Variants in HOOK3 observed in about 807,000 individuals in gnomAD.
HOOK3 encodes hook microtubule tethering protein 3.
A neutral mutation model predicts 116.3 loss-of-function variants in HOOK3; 24 were observed. The observed-to-expected ratio is 0.21, with a 90% CI of 0.15 to 0.29. The LOEUF (loss-of-function observed/expected upper bound fraction) is 0.29, where lower values mean the gene tolerates loss of function less well. HOOK3 is among the 10% of genes least tolerant of loss of function. The pLI is 1.00. For synonymous variants in HOOK3, 275 were observed against 283.0 expected (o/e 0.97, Z 0.28); for missense variants, 632 against 830.2 (o/e 0.76, Z 2.93).
chr8:42,988,788 A>T (rs1348866631), intron 15 of HOOK3, among the ~76,000 whole-genome samples: 2 of 151,900 alleles, frequency 1.3e-5, no homozygotes, highest in Non-Finnish European at 2.9e-5. Flanking sequence ...CCTAGTCCAT[A>T]CCCTCTTTCT....
chr8:42,946,098 C>T (rs1414479890), intron 5 of HOOK3, among the ~76,000 whole-genome samples: 2 of 152,076 alleles, frequency 1.3e-5, no homozygotes, highest in Non-Finnish European at 2.9e-5. Flanking sequence ...CTTCTATATT[C>T]AATTTATTTC....
Position 43,029,541 on chromosome 8 carries a change from T to G in HOOK3, c.*11043T>G, listed in dbSNP as rs1809994699. ...TGAACTTTGCTGTTTACAGGTTCTG[T>G]GTAATTCAGAATGCTTTGTACTTAG... On this transcript the variant is annotated 3_prime_UTR_variant, in exon 22 of 22. Coordinates refer to ENST00000307602, the MANE Select transcript of HOOK3 (RefSeq NM_032410.4). The G allele has an allele frequency of 5.3e-6, 1 of 187,166 alleles. No individual in the cohort carries two copies. Among genetic ancestry groups the G allele is most frequent in the African/African-American group, 2.3e-5 (1 of 42,754 alleles). 11.6% of individuals were successfully genotyped at this position (187,166 alleles called of 1,614,324 possible).
chr8:42,909,481 C>T (rs188807822), intron 2 of HOOK3, among the ~76,000 whole-genome samples: 5 of 152,264 alleles, frequency 3.3e-5, no homozygotes, highest in Middle Eastern at 3.4e-3. Context: ...ATTGATTGAT[C>T]GAGACAGGGT....
chr8:43,011,842 G>A (rs770766944), intron 19 of HOOK3, among the ~76,000 whole-genome samples: 11 of 152,148 alleles, frequency 7.2e-5, no homozygotes, highest in African/African-American at 1.9e-4. Context: ...TCACATCACC[G>A]CACTCCAGCC....
At position 42,968,050 on chromosome 8, in the gene HOOK3, G is replaced by A. The variant is rs748630939; in HGVS notation, c.958G>A (p.Val320Ile). Residue 320 changes from valine to isoleucine, a missense_variant, in exon 11 of 22, where the codon GTA becomes ATA. Val to Ile is a conservative substitution (Grantham distance 29, BLOSUM62 3). Around this residue, in one of 3 missense-constraint regions of HOOK3, gnomAD observed 483 missense variants for 648.1 expected, o/e 0.75. Coordinates refer to ENST00000307602, the MANE Select transcript of HOOK3 (RefSeq NM_032410.4). ...SDKVSKLEGQ[V>I]ESYKKKLEDL... is the part of the protein sequence containing the mutation. Reference sequence around the variant, plus strand: ...TAAAGTATCTAAACTAGAAGGTCAAGTAGAATCTTATAAAAAGAAGCTAGA... The same window carrying A: ...TAAAGTATCTAAACTAGAAGGTCAAATAGAATCTTATAAAAAGAAGCTAGA... The A allele has an allele frequency of 6.2e-7, 1 of 1,604,410 alleles. No homozygotes were observed. The highest frequency in any genetic ancestry group is 1.1e-5 in the South Asian group (1 of 90,834).
chr8:42,919,103 C>T (rs1166455199), intron 2 of HOOK3, among the ~76,000 whole-genome samples: 1 of 151,668 alleles, frequency 6.6e-6, no homozygotes, highest in African/African-American at 2.4e-5. Context: ...CCCCATCACC[C>T]AGACAGGGCG....
chr8:42,913,321 C>T (rs937656097), intron 2 of HOOK3, among the ~76,000 whole-genome samples: 1 of 152,162 alleles, frequency 6.6e-6, no homozygotes, highest in African/African-American at 2.4e-5. Context: ...GCAAACACTG[C>T]TCTGCTTTCT....
At chr8:42,897,554 G>C (rs534241285) in intron 1 of HOOK3, among the ~76,000 whole-genome samples, 2 of 152,364 alleles carry the variant, frequency 1.3e-5, no homozygotes, top group East Asian at 3.9e-4. Context: ...GACGGGCCCG[G>C]CTCCGGCCCG....
In HOOK3 at chr8:42,906,153, C is replaced by T. The variant is rs200253742; in HGVS notation, c.58-20C>T. On this transcript the variant is annotated intron_variant, in intron 1 of 21. Coordinates refer to ENST00000307602, the MANE Select transcript of HOOK3 (RefSeq NM_032410.4). The stretch of plus-strand genomic sequence containing the variant: ...GGTAACCACAGAATCTCTCCCCCCC[C>T]CCTCTTTTTTTCCCTTCAGATCCAG... The T allele has an allele frequency of 1.5e-4, 166 of 1,112,702 alleles. 3 individuals carry two copies. In the African/African-American group the frequency reaches 1.7e-3, roughly 11 times the overall value. 68.9% of individuals were successfully genotyped at this position (1,112,702 alleles called of 1,614,324 possible). A position where few individuals can be genotyped will look rare whatever the true frequency, so the allele number is the denominator to read the frequency against.
chr8:42,918,419 CA>C (rs887310004), intron 2 of HOOK3, among the ~76,000 whole-genome samples: 18 of 151,842 alleles, frequency 1.2e-4, no homozygotes, highest in East Asian at 3.9e-4. Context: ...TTTTTTTTAA[CA>C]TTTTTTTTTA....
chr8:43,003,075 CCTT>C (rs1219167282), intron 17 of HOOK3, among the ~76,000 whole-genome samples: 1 of 152,094 alleles, frequency 6.6e-6, no homozygotes, highest in Non-Finnish European at 1.5e-5. Flanking sequence ...CAACCTTAAT[CCTT>C]CTCATCCTTT....
chr8:42,978,585 A>AT (rs1016072913), intron 13 of HOOK3, among the ~76,000 whole-genome samples: 54 of 151,220 alleles, frequency 3.6e-4, no homozygotes, highest in South Asian at 1.5e-3. Flanking sequence ...TAGTTTTTGT[A>AT]TTTTTTTTAG....
chr8:42,993,591 T>C (rs1051072883), intron 15 of HOOK3, among the ~76,000 whole-genome samples: 2 of 152,240 alleles, frequency 1.3e-5, no homozygotes, highest in African/African-American at 2.4e-5. Flanking sequence ...GTATAAGTTC[T>C]TCTTTAAATG....
rs777290521 is a variant in HOOK3 at position 42,943,307 on chromosome 8, A to G, written c.268-6A>G. On this transcript the variant is annotated splice_polypyrimidine_tract_variant and splice_region_variant and intron_variant, in intron 4 of 21. Coordinates refer to ENST00000307602, the MANE Select transcript of HOOK3 (RefSeq NM_032410.4). ...ATGCAATTATAATCCTTTTATCTCC[A>G]TTCAGATTTTAGGACAGCAAATTAA... The G allele has an allele frequency of 4.1e-6, 6 of 1,451,802 alleles. No homozygotes were observed. In the South Asian group the frequency reaches 7.8e-5, roughly 19 times the overall value. 89.9% of individuals were successfully genotyped at this position (1,451,802 alleles called of 1,614,324 possible). A position where few individuals can be genotyped will look rare whatever the true frequency, so the allele number is the denominator to read the frequency against.
At position 42,997,326 on chromosome 8, in the gene HOOK3, C is replaced by T. The variant is rs542434255; in HGVS notation, c.1533-224C>T. Among the ~76,000 whole-genome samples, 3 of 152,282 alleles carry T rather than the reference C, an allele frequency of 2.0e-5. No homozygotes were observed. In the South Asian group the frequency reaches 6.2e-4, roughly 32 times the overall value. Reference sequence around the variant, plus strand: ...GTACATTGGTTCTAAAATATGTGCCCACCCAAACACTGTGTTAGAAGTCAT... The same window carrying T: ...GTACATTGGTTCTAAAATATGTGCCTACCCAAACACTGTGTTAGAAGTCAT... On this transcript the variant is annotated intron_variant, in intron 15 of 21. Transcript: ENST00000307602.
chr8:42,939,139 CA>C (rs972905901), intron 4 of HOOK3, among the ~76,000 whole-genome samples: 2 of 152,238 alleles, frequency 1.3e-5, no homozygotes, highest in Non-Finnish European at 2.9e-5. Context: ...CAACGGCAAC[CA>C]TCTGATTTCT....
chr8:42,915,632 A>G (rs886522572), intron 2 of HOOK3, among the ~76,000 whole-genome samples: 5 of 151,820 alleles, frequency 3.3e-5, no homozygotes, highest in African/African-American at 1.2e-4. Flanking sequence ...GGGTTTCACT[A>G]TGTTGGCCAG....
Position 43,018,633 on chromosome 8 carries a change from G to T in HOOK3, c.*135G>T. 4.6e-6 allele frequency: 4 copies of T among 872,154 alleles called. No homozygotes were observed. Among genetic ancestry groups the T allele is most frequent in the South Asian group, 3.3e-5 (1 of 30,136 alleles). The allele number at this position is 872,154 out of a possible 1,614,324, so 54.0% of individuals were successfully genotyped here. On this transcript the variant is annotated 3_prime_UTR_variant, in exon 22 of 22. Transcript: ENST00000307602. Reference sequence around the variant, plus strand: ...CAATACTTAGTGTTTCTCATTTTGAGGACTTTTTCTCTCTCCTGTATCTTT... The same window carrying T: ...CAATACTTAGTGTTTCTCATTTTGATGACTTTTTCTCTCTCCTGTATCTTT...
At chr8:42,938,538 T>C (rs760906413) in intron 4 of HOOK3, among the ~76,000 whole-genome samples, 201 of 152,168 alleles carry the variant, frequency 1.3e-3, no homozygotes, top group Non-Finnish European at 2.4e-3. Flanking sequence ...TACCAGTTTT[T>C]CCTTGCCATA....
Sources: gnomAD v4.1 joint callset for allele counts (sites outside exome capture counted in the v4.1 genomes callset) on GRCh38, gnomAD v4.1.1 for gene constraint, gnomAD v4.1.1 regional missense constraint, MANE v1.5 for transcripts, NCBI Gene and HGNC (gene_info 2026-07-23, HGNC 2026-07-21) for gene names.